PSMD1: variants seen among roughly 807,000 people sequenced by gnomAD.
PSMD1 encodes the protein proteasome 26S subunit, non-ATPase 1.
Under a neutral mutation model 119.0 loss-of-function variants are expected in PSMD1, and 18 were observed. The ratio of observed to expected loss-of-function variants is 0.15; its 90% confidence interval spans 0.10 to 0.22. The LOEUF is 0.22. Among genes scored for constraint, PSMD1 ranks in the 10% least tolerant of loss-of-function variants. The probability of loss-of-function intolerance (pLI) is 1.00; values close to 1 mark genes in which losing one functional copy is unlikely to be tolerated. For synonymous variants in PSMD1, 374 were observed against 396.6 expected (o/e 0.94, Z 0.68); for missense variants, 702 against 1,158.5 (o/e 0.61, Z 5.72).
chr2:231,075,561 C>T lies in PSMD1; in HGVS notation c.932C>T (p.Thr311Ile). The part of the protein sequence containing the change: ...EKTSSAFVGK[T>I]PEASPEPKDQ... ...ACAAGCAGTGCATTTGTAGGAAAGACACCAGAAGCCGTGAGTGTGCTTTTT... is the reference window on the plus strand; with the variant it reads ...ACAAGCAGTGCATTTGTAGGAAAGATACCAGAAGCCGTGAGTGTGCTTTTT... Residue 311 changes from threonine (T) to isoleucine (I), a missense_variant, in exon 8 of 25, where the codon ACA becomes ATA. Physicochemically the swap from Thr to Ile is moderately conservative, Grantham distance 89. This residue lies in a region of PSMD1 where 69 missense variants were observed against 71.6 expected (regional missense o/e 0.96). Coordinates refer to ENST00000308696, the MANE Select transcript of PSMD1 (RefSeq NM_002807.4). 6.3e-7 allele frequency: 1 copy of T among 1,599,748 alleles called. No individual in the cohort carries two copies. Among genetic ancestry groups the T allele is most frequent in the Admixed American group, 1.8e-5 (1 of 56,496 alleles).
In PSMD1 at chr2:231,083,092, C is replaced by T. The variant is rs111379335; in HGVS notation, c.1525+98C>T. On this transcript the variant is annotated intron_variant, in intron 13 of 24. Transcript: ENST00000308696. Reference sequence around the variant, plus strand: ...TATATTTTGTAGCCTCTTAAAATTCCGATGGATTTCTCTAGTTGAAGAGGA... The same window carrying T: ...TATATTTTGTAGCCTCTTAAAATTCTGATGGATTTCTCTAGTTGAAGAGGA... 5.9e-5 allele frequency: 53 copies of T among 901,068 alleles called. 1 individual carries two copies. The Middle Eastern group carries it at 1.9e-3, about 32-fold the overall frequency. The allele number at this position is 901,068 out of a possible 1,614,324, so 55.8% of individuals were successfully genotyped here.
chr2:231,083,411 A>G (rs1018124337), intron 13 of PSMD1, among the ~76,000 whole-genome samples, 156 bp from the exon 14 acceptor site: 2 of 152,270 alleles, frequency 1.3e-5, no homozygotes, highest in Admixed American at 6.5e-5. Flanking sequence ...GTGCTTCCAC[A>G]TAAAGTATCC....
At chr2:231,070,284 C>T (rs185355321) in intron 6 of PSMD1, 116 bp downstream of exon 6, 170 of 828,182 alleles carry the variant, frequency 2.1e-4, no homozygotes, top group Non-Finnish European at 2.6e-4. Flanking sequence ...TGTATCTCAG[C>T]TGATCTTCAC....
rs748882937 is a variant in PSMD1 at position 231,163,632 on chromosome 2, C to T, written c.2389-3C>T. Reference sequence around the variant, plus strand: ...CAATGTTATTTTAATGGAATTTCTTCAGATGCCGAAAGTTCAGTATAAATC... The same window carrying T: ...CAATGTTATTTTAATGGAATTTCTTTAGATGCCGAAAGTTCAGTATAAATC... On this transcript the variant is annotated splice_polypyrimidine_tract_variant and splice_region_variant and intron_variant, in intron 20 of 24. Transcript: ENST00000308696. The T allele has an allele frequency of 2.5e-6, 4 of 1,604,798 alleles. No individual in the cohort carries two copies. Among genetic ancestry groups the T allele is most frequent in the Non-Finnish European group, 3.4e-6 (4 of 1,172,340 alleles).
At chr2:231,143,140 A>ATT (rs202234095) in intron 17 of PSMD1, among the ~76,000 whole-genome samples, 6 of 146,700 alleles carry the variant, frequency 4.1e-5, no homozygotes, top group South Asian at 2.2e-4. Context: ...GTTGTTTTGT[A>ATT]TTTTTTTTTT....
chr2:231,130,220 C>T (rs926447046), intron 16 of PSMD1, among the ~76,000 whole-genome samples: 12 of 152,274 alleles, frequency 7.9e-5, no homozygotes, highest in Middle Eastern at 3.4e-3. Context: ...GTAGCTCTGT[C>T]GTTGAGTACA....
At chr2:231,169,314 G>C (rs921800321) in intron 23 of PSMD1, among the ~76,000 whole-genome samples, 15 of 152,116 alleles carry the variant, frequency 9.9e-5, no homozygotes, top group African/African-American at 3.6e-4. Context: ...TCTTCTGTTT[G>C]GTAGGAGATT....
rs575112043 is a variant in PSMD1, at chr2:231,081,204, C to T, written c.1413+890C>T. ...TAGGATGATGTCTCAATTAATAAGC[C>T]CCTTAGCCACAAATCGTGTGTGCAG... On this transcript the variant is annotated intron_variant, in intron 12 of 24. Transcript: ENST00000308696. Among the ~76,000 whole-genome samples, 7 of 151,206 alleles carry T rather than the reference C, an allele frequency of 4.6e-5. No homozygotes were observed. The South Asian group carries it at 1.5e-3, about 32-fold the overall frequency.
chr2:231,106,463 C>CAA (rs1167920031), intron 16 of PSMD1, among the ~76,000 whole-genome samples: 2 of 152,046 alleles, frequency 1.3e-5, no homozygotes, highest in African/African-American at 4.8e-5. Flanking sequence ...ACTGAAAATA[C>CAA]AAAAGTTAGC....
chr2:231,154,593 A>T (rs1316399166), intron 19 of PSMD1, among the ~76,000 whole-genome samples: 3 of 152,132 alleles, frequency 2.0e-5, no homozygotes, highest in Non-Finnish European at 2.9e-5. Context: ...TCAGCCTCCC[A>T]AGTAGCTGAG....
At chr2:231,126,442 A>C (rs969666013) in intron 16 of PSMD1, among the ~76,000 whole-genome samples, 2 of 152,114 alleles carry the variant, frequency 1.3e-5, no homozygotes, top group Non-Finnish European at 2.9e-5. Context: ...CTTGTCTCCA[A>C]GATTAAAAAA....
intron 19 of PSMD1, among the ~76,000 whole-genome samples, chr2:231,158,323 A>G (rs1418308237): frequency 6.6e-6 from 1 of 152,158 alleles, no homozygotes; most frequent in Non-Finnish European, 1.5e-5. Context: ...AAAAGAAAAA[A>G]GAAAATTAGT....
At chr2:231,088,793 A>G (rs374874865) in intron 16 of PSMD1, among the ~76,000 whole-genome samples, 4 of 152,216 alleles carry the variant, frequency 2.6e-5, no homozygotes, top group Non-Finnish European at 5.9e-5. Flanking sequence ...AGAGTCCCAC[A>G]TTTCTCACTT....
rs1168652971 is a variant in PSMD1 at position 231,077,167 on chromosome 2, G to A, written c.1071+5G>A. The A allele has an allele frequency of 6.7e-7, 1 of 1,490,106 alleles. No homozygotes were observed. 92.3% of individuals were successfully genotyped at this position (1,490,106 alleles called of 1,614,324 possible). Reference sequence around the variant, plus strand: ...ATGATTCTAAAAAACACAAAGGTAAGAAATTCATCAATAATAGAGGATTTT... The same window carrying A: ...ATGATTCTAAAAAACACAAAGGTAAAAAATTCATCAATAATAGAGGATTTT... On this transcript the variant is annotated splice_donor_5th_base_variant and intron_variant, in intron 9 of 24. Transcript: ENST00000308696.
At position 231,170,603 on chromosome 2, in the gene PSMD1, G is replaced by A; in HGVS notation, c.2753G>A (p.Ser918Asn). Residue 918 changes from serine to asparagine, a missense_variant, in exon 24 of 25, where the codon AGT (serine) becomes AAT (asparagine). Ser to Asn is a conservative substitution (Grantham distance 46). Transcript: ENST00000308696. This position sits in a 1 kb window ranked among gnomAD's most constrained non-coding sequence, Gnocchi z 4.1. ...GGCATCATCATTCTGAAGGATACCA[G>A]TGAAGACATTGAGGAGCTGGTGGAA... is the stretch of plus-strand genomic sequence containing the variant. ...IGGIIILKDT[S>N]EDIEELVEPV... 6.2e-7 allele frequency: 1 copy of A among 1,614,122 alleles called. No homozygotes were observed. Among genetic ancestry groups the A allele is most frequent in the Non-Finnish European group, 8.5e-7 (1 of 1,180,008 alleles).
chr2:231,164,403 G>A (rs1460868853), intron 21 of PSMD1, among the ~76,000 whole-genome samples: 1 of 152,124 alleles, frequency 6.6e-6, no homozygotes, highest in Non-Finnish European at 1.5e-5. Flanking sequence ...ACATTAAAGA[G>A]TTGTACTTGC....
intron 19 of PSMD1, among the ~76,000 whole-genome samples, chr2:231,157,247 T>C (rs1237737009): frequency 6.6e-6 from 1 of 151,954 alleles, no homozygotes; most frequent in African/African-American, 2.4e-5. Context: ...AGCCCTGCTC[T>C]GCAAGGAGCA....
intron 24 of PSMD1, among the ~76,000 whole-genome samples, chr2:231,172,159 A>G (rs141068148): frequency 2.8e-4 from 43 of 152,366 alleles, no homozygotes; most frequent in African/African-American, 1.0e-3. Context: ...CCCAACTTGC[A>G]CAGTACAGCG....
rs570176544 is a variant in PSMD1, at chr2:231,081,000, C to T, written c.1413+686C>T. ...TCTACTAAAAATACAAAAAATTAGC[C>T]GGGCATGGTGGTGGGCACCTGTAAT... On this transcript the variant is annotated intron_variant, in intron 12 of 24. Coordinates refer to ENST00000308696, the MANE Select transcript of PSMD1 (RefSeq NM_002807.4). 3.4e-4 allele frequency among the ~76,000 whole-genome samples: 51 copies of T among 152,026 alleles called. 1 individual carries two copies. In the South Asian group the frequency reaches 9.8e-3, roughly 29 times the overall value.
Sources: gnomAD v4.1 joint callset for allele counts (sites outside exome capture counted in the v4.1 genomes callset) on GRCh38, gnomAD v4.1.1 for gene constraint, gnomAD v4.1.1 regional missense constraint, Gnocchi (gnomAD v3.1) non-coding constraint, MANE v1.5 for transcripts, NCBI Gene and HGNC (gene_info 2026-07-23, HGNC 2026-07-21) for gene names.